Variants in HINFP observed in about 807,000 individuals in gnomAD.
HINFP encodes the protein MBD2 (methyl-CpG-binding protein)-interacting zinc finger protein.
In HINFP, 20 loss-of-function variants were observed where a neutral mutation model predicts 50.1. That is an observed-to-expected ratio of 0.40 (90% CI 0.28 to 0.58). The LOEUF is 0.58. HINFP is among the 20% of genes least tolerant of loss of function. The pLI is 0.45. For synonymous variants in HINFP, 247 were observed against 243.7 expected (o/e 1.01, Z -0.13); for missense variants, 505 against 664.1 (o/e 0.76, Z 2.63).
At position 119,134,364 on chromosome 11, in the gene HINFP, G is replaced by A. The variant is rs148562677; in HGVS notation, c.1420G>A (p.Gly474Ser). The A allele has an allele frequency of 2.7e-5, 43 of 1,614,148 alleles. No homozygotes were observed. In the Middle Eastern group the frequency reaches 1.5e-3, roughly 56 times the overall value. ...IHVVNQTNAQ[G>S]QQEIVYYVLS... ...CGTGGTGAATCAGACCAATGCCCAA[G>A]GCCAGCAAGAGATCGTCTACTATGT... The change falls in exon 10 of 10, where the codon GGC becomes AGC. Residue 474 changes from glycine to serine, a missense_variant. Coordinates refer to ENST00000350777, the MANE Select transcript of HINFP (RefSeq NM_198971.3). The surrounding 1 kb of genome is among the most constrained non-coding windows in gnomAD (Gnocchi z 4.3).
At chr11:119,123,123 A>C (rs1251322311) in intron 1 of HINFP, among the ~76,000 whole-genome samples, 1 of 86,432 alleles carries the variant, frequency 1.2e-5, no homozygotes, top group African/African-American at 4.8e-5. Flanking sequence ...GCAAGACTCC[A>C]TCTCCAAAAA....
Position 119,134,062 on chromosome 11 carries a change from C to T in HINFP, c.1140-22C>T. ...TATCCCCCTGCCTGGGTTTGCTGCC[C>T]TTTATGCTCCTACCTCACCAGGTAC... On this transcript the variant is annotated intron_variant, in intron 9 of 9. Coordinates refer to ENST00000350777, the MANE Select transcript of HINFP (RefSeq NM_198971.3). The surrounding 1 kb of genome is among the most constrained non-coding windows in gnomAD (Gnocchi z 4.3). The T allele has an allele frequency of 3.1e-6, 5 of 1,613,972 alleles. No homozygotes were observed. The Admixed American group carries it at 8.3e-5, about 27-fold the overall frequency.
At position 119,122,431 on chromosome 11, in the gene HINFP, T is replaced by G. The variant is rs117046629; in HGVS notation, c.-11+792T>G. 2.8e-4 allele frequency among the ~76,000 whole-genome samples: 42 copies of G among 152,132 alleles called. 1 individual carries two copies. The East Asian group carries it at 7.7e-3, about 28-fold the overall frequency. On this transcript the variant is annotated intron_variant, in intron 1 of 9. Coordinates refer to ENST00000350777, the MANE Select transcript of HINFP (RefSeq NM_198971.3). ...GCTCAGAAGCTTCTTATAGTCCAAT[T>G]GGGTAAACGAGACTAGAACACATAA...
In HINFP at chr11:119,134,179, G is replaced by C; in HGVS notation, c.1235G>C (p.Gly412Ala). The stretch of plus-strand genomic sequence containing the variant: ...CAACTGCTGCGGCAACCACAAGAGG[G>C]ATCGGGCCTGGGAACGTCGCTGAAC... ...TQQLLRQPQE[G>A]SGLGTSLNES... The change falls in exon 10 of 10, where the codon GGA (glycine) becomes GCA (alanine). Residue 412 changes from glycine to alanine, a missense_variant. Coordinates refer to ENST00000350777, the MANE Select transcript of HINFP (RefSeq NM_198971.3). This position sits in a 1 kb window ranked among gnomAD's most constrained non-coding sequence, Gnocchi z 4.3. 1 of 1,614,234 alleles carries C rather than the reference G, an allele frequency of 6.2e-7. No homozygotes were observed. The highest frequency in any genetic ancestry group is 8.5e-7 in the Non-Finnish European group (1 of 1,180,048).
intron 1 of HINFP, chr11:119,122,110 C>A (rs1341843599): frequency 6.6e-6 from 1 of 152,148 alleles, no homozygotes. Flanking sequence ...TCTTGAATAC[C>A]ACAGTTCATT....
Position 119,131,768 on chromosome 11 carries a change from G to A in HINFP, c.524-62G>A, listed in dbSNP as rs1947772064. 3.1e-6 allele frequency: 5 copies of A among 1,608,694 alleles called. No homozygotes were observed. In the Admixed American group the frequency reaches 6.7e-5, roughly 21 times the overall value. On this transcript the variant is annotated intron_variant, in intron 4 of 9. Coordinates refer to ENST00000350777, the MANE Select transcript of HINFP (RefSeq NM_198971.3). This position sits in a 1 kb window ranked among gnomAD's most constrained non-coding sequence, Gnocchi z 4.2. ...GACTGCCGGCTGGAGAGACTCAGGG[G>A]TACCAGATCCTAGGCAAAACTGGGG... is the stretch of plus-strand genomic sequence containing the variant.
chr11:119,128,967 C>A (rs188527363), intron 2 of HINFP, among the ~76,000 whole-genome samples: 1 of 151,430 alleles, frequency 6.6e-6, no homozygotes, highest in East Asian at 1.9e-4. Flanking sequence ...AACGGAGGCA[C>A]AGAGGAATAA....
Position 119,134,829 on chromosome 11 carries a change from C to A in HINFP, c.*331C>A, listed in dbSNP as rs1331732087. On this transcript the variant is annotated 3_prime_UTR_variant, in exon 10 of 10. Coordinates refer to ENST00000350777, the MANE Select transcript of HINFP (RefSeq NM_198971.3). The surrounding 1 kb of genome is among the most constrained non-coding windows in gnomAD (Gnocchi z 4.3). ...TTAAATCCTTAGCTCACATCCATTC[C>A]CATCTTTCGGGCTCCTTAGGCCCAA... 1 of 207,746 alleles carries A rather than the reference C, an allele frequency of 4.8e-6. No homozygotes were observed. The highest frequency in any genetic ancestry group is 9.8e-6 in the Non-Finnish European group (1 of 101,816). The allele number at this position is 207,746 out of a possible 1,614,324, so 12.9% of individuals were successfully genotyped here. A position where few individuals can be genotyped will look rare whatever the true frequency, so the allele number is the denominator to read the frequency against.
chr11:119,127,183 T>G, intron 2 of HINFP, 58 bp downstream of exon 2: 1 of 1,418,506 alleles, frequency 7.0e-7, no homozygotes, highest in South Asian at 1.4e-5. Flanking sequence ...AAATCTGACT[T>G]TCTTTTCCTT....
intron 1 of HINFP, chr11:119,124,525 A>C (rs1472787133): frequency 6.6e-6 from 1 of 152,096 alleles, no homozygotes; most frequent in African/African-American, 2.4e-5. Context: ...TGTTTCGTTT[A>C]TTCTTTAATT....
chr11:119,133,731 A>G (rs1328808181), intron 9 of HINFP: 1 of 368,516 alleles, frequency 2.7e-6, no homozygotes, highest in Admixed American at 4.2e-5. Context: ...CAAACCCAAT[A>G]AATGGTGCCA....
At position 119,126,578 on chromosome 11, in the gene HINFP, C is replaced by T. The variant is rs1947419240; in HGVS notation, c.-10-357C>T. ...GTAGACAGTGGAGCCAGGATTTGAA[C>T]CCTGATCCTTCTCAAAAGCCATCTG... On this transcript the variant is annotated intron_variant, in intron 1 of 9. Coordinates refer to ENST00000350777, the MANE Select transcript of HINFP (RefSeq NM_198971.3). The T allele has an allele frequency of 2.9e-5, 5 of 172,854 alleles. No homozygotes were observed. In the South Asian group the frequency reaches 5.2e-4, roughly 18 times the overall value. 10.7% of individuals were successfully genotyped at this position (172,854 alleles called of 1,614,324 possible).
intron 9 of HINFP, 154 bp downstream of exon 9, chr11:119,133,373 G>A (rs1947889659): frequency 1.2e-6 from 1 of 835,412 alleles, no homozygotes; most frequent in Non-Finnish European, 1.9e-6. Flanking sequence ...GAGGTCAGGA[G>A]TTCGAGACCA....
In HINFP at chr11:119,130,947, A is replaced by G. The variant is rs1947717857; in HGVS notation, c.404A>G (p.His135Arg). 6.2e-7 allele frequency: 1 copy of G among 1,614,052 alleles called. No homozygotes were observed. Among genetic ancestry groups the G allele is most frequent in the Non-Finnish European group, 8.5e-7 (1 of 1,179,870 alleles). ...GACCACTTCCTGTGTCTGTGGGAGCACTGTGAGGTCAGCAGGCAGTGCCAG... is the reference window on the plus strand; with the variant it reads ...GACCACTTCCTGTGTCTGTGGGAGCGCTGTGAGGTCAGCAGGCAGTGCCAG... Reference protein sequence around the residue: ...IPDHFLCLWEHCENSFDNPEW... With the variant: ...IPDHFLCLWERCENSFDNPEW... Residue 135 changes from histidine to arginine, a missense_variant, in exon 3 of 10, where the codon CAC (histidine) becomes CGC (arginine). His to Arg is a conservative substitution (Grantham distance 29). Coordinates refer to ENST00000350777, the MANE Select transcript of HINFP (RefSeq NM_198971.3).
chr11:119,123,726 T>TC (rs1361670612), intron 1 of HINFP: 1 of 147,458 alleles, frequency 6.8e-6, no homozygotes, highest in East Asian at 2.0e-4. Flanking sequence ...TTTTTTTTTT[T>TC]TTTTTGAGAT....
At chr11:119,129,627 A>AT (rs904588971) in intron 2 of HINFP, among the ~76,000 whole-genome samples, 11 of 149,946 alleles carry the variant, frequency 7.3e-5, no homozygotes, top group South Asian at 2.1e-4. Flanking sequence ...AGCCCAGCTA[A>AT]TTTTTTTTTG....
At position 119,130,757 on chromosome 11, in the gene HINFP, G is replaced by A. The variant is rs185139092; in HGVS notation, c.214G>A (p.Gly72Ser). The A allele has an allele frequency of 4.3e-5, 70 of 1,614,204 alleles. No individual in the cohort carries two copies. The highest frequency in any genetic ancestry group is 1.6e-4 in the Middle Eastern group (1 of 6,062). Residue 72 changes from glycine to serine, a missense_variant, in exon 3 of 10, where the codon GGC becomes AGC. By Grantham distance (56) the Gly-to-Ser change is moderately conservative. Coordinates refer to ENST00000350777, the MANE Select transcript of HINFP (RefSeq NM_198971.3). ...ATTCTCCTGCTTGTGGCAGGAATGT[G>A]GCTTTTGTTCTCTGGACAGTTCTGC... The part of the protein sequence containing the change: ...EEFSCLWQEC[G>S]FCSLDSSADL...
rs753175239 is a variant in HINFP, at chr11:119,131,612, CA to C, written c.491del (p.Lys164ArgfsTer36). 6.2e-7 allele frequency: 1 copy of C among 1,614,104 alleles called. No homozygotes were observed. Among genetic ancestry groups the C allele is most frequent in the East Asian group, 2.2e-5 (1 of 44,886 alleles). On this transcript the variant is annotated frameshift_variant, in exon 4 of 10. Transcript: ENST00000350777. LOFTEE classifies it high-confidence loss of function. The surrounding 1 kb of genome is among the most constrained non-coding windows in gnomAD (Gnocchi z 4.2). ...TGTGCTGTGAATACGAAGCAGTCGG[CA>C]AGGACAACCCGGTGGTGCTGTGTGG... ...SLCCEYEAVG[K>X]DNPVVLCGWK...
Position 119,134,323 on chromosome 11 carries a change from C to G in HINFP, c.1379C>G (p.Pro460Arg). 1 of 1,614,174 alleles carries G rather than the reference C, an allele frequency of 6.2e-7. No homozygotes were observed. ...GTALSASQDN[P>R]SSVIHVVNQT... is the part of the protein sequence containing the mutation. ...GCCCTCTCAGCCTCTCAGGACAACCCCAGTTCTGTCATCCACGTGGTGAAT... is the reference window on the plus strand; with the variant it reads ...GCCCTCTCAGCCTCTCAGGACAACCGCAGTTCTGTCATCCACGTGGTGAAT... Residue 460 changes from proline to arginine, a missense_variant, in exon 10 of 10, where the codon CCC becomes CGC. Physicochemically the swap from Pro to Arg is moderately radical, Grantham distance 103 (BLOSUM62 -2). Coordinates refer to ENST00000350777, the MANE Select transcript of HINFP (RefSeq NM_198971.3). The surrounding 1 kb of genome is among the most constrained non-coding windows in gnomAD (Gnocchi z 4.3).
Sources: allele counts gnomAD v4.1 joint callset (sites outside exome capture counted in the v4.1 genomes callset), GRCh38; gene constraint gnomAD v4.1.1; non-coding constraint Gnocchi (gnomAD v3.1); transcripts MANE v1.5; gene names NCBI Gene and HGNC (gene_info 2026-07-23, HGNC 2026-07-21).